CLEC6A: variants seen among roughly 807,000 people sequenced by gnomAD.
The protein encoded by CLEC6A is C-type lectin domain family 6 member A.
In CLEC6A, 22 loss-of-function variants were observed where a neutral mutation model predicts 25.7. The ratio of observed to expected loss-of-function variants is 0.85; its 90% CI spans 0.61 to 1.22. The LOEUF is 1.22. CLEC6A is among the 50% of genes most tolerant of loss of function. CLEC6A has a pLI of 0.00. For missense variants in CLEC6A, 240 were observed against 236.8 expected (o/e 1.01, Z -0.09); for synonymous variants, 92 against 76.7 (o/e 1.20, Z -1.04).
rs1939745261 is a variant in CLEC6A, at chr12:8,460,878, CG to C, written c.223+1182del. On this transcript the variant is annotated intron_variant, in intron 3 of 5. Transcript: ENST00000382073. ...CAACTTACCGCAAGCCTGTCTATCA[CG>C]GTGTTAACCAGCCAAAGTTTGCTCC... The C allele has an allele frequency of 5.7e-6, 5 of 880,520 alleles. No individual in the cohort carries two copies. The East Asian group carries it at 7.2e-5, about 13-fold the overall frequency. The allele number at this position is 880,520 out of a possible 1,614,324, so 54.5% of individuals were successfully genotyped here. A position where few individuals can be genotyped will look rare whatever the true frequency, so the allele number is the denominator to read the frequency against.
rs762340299 is a variant in CLEC6A at position 8,477,302 on chromosome 12, C to T, written c.486-18C>T. ...TGCATTCTTTGAAGATGTGTACTAC[C>T]TTTTTGTTTTCCTTTAGATTTTGGC... On this transcript the variant is annotated intron_variant, in intron 5 of 5. Coordinates refer to ENST00000382073, the MANE Select transcript of CLEC6A (RefSeq NM_001007033.2). 3.3e-4 allele frequency: 535 copies of T among 1,598,486 alleles called. 7 individuals carry two copies. In the South Asian group the frequency reaches 5.6e-3, roughly 17 times the overall value.
intron 1 of CLEC6A, among the ~76,000 whole-genome samples, 162 bp downstream of exon 1, chr12:8,456,304 C>T (rs1939674242): frequency 6.6e-6 from 1 of 152,054 alleles, no homozygotes; most frequent in Non-Finnish European, 1.5e-5. Flanking sequence ...AGAGCCAGAG[C>T]CATAAGCACT....
intron 4 of CLEC6A, among the ~76,000 whole-genome samples, chr12:8,473,885 G>C (rs976638083): frequency 6.6e-6 from 1 of 152,050 alleles, no homozygotes; most frequent in Non-Finnish European, 1.5e-5. Context: ...TTTGAGAAGT[G>C]TCTGTTTATG....
At chr12:8,475,795 T>C (rs1304305364) in intron 4 of CLEC6A, among the ~76,000 whole-genome samples, 1 of 151,980 alleles carries the variant, frequency 6.6e-6, no homozygotes, top group Non-Finnish European at 1.5e-5. Flanking sequence ...GATTGATGCA[T>C]AGAATTAGCC....
chr12:8,463,434 T>C (rs1190549413), intron 3 of CLEC6A, among the ~76,000 whole-genome samples: 1 of 152,244 alleles, frequency 6.6e-6, no homozygotes, highest in African/African-American at 2.4e-5. Flanking sequence ...TCATCTCCTA[T>C]TTTCCAATTT....
intron 3 of CLEC6A, chr12:8,461,133 T>A (rs1939748500): frequency 6.3e-7 from 1 of 1,584,254 alleles, no homozygotes; most frequent in Admixed American, 1.7e-5. Context: ...GAAAGAGCCG[T>A]GGCCTTGGAA....
At position 8,478,118 on chromosome 12, in the gene CLEC6A, G is replaced by C. The variant is rs902166872; in HGVS notation, c.*654G>C. The C allele has an allele frequency of 6.6e-6, 1 of 151,818 alleles. No homozygotes were observed. The highest frequency in any genetic ancestry group is 2.4e-5 in the African/African-American group (1 of 41,356). 9.4% of individuals were successfully genotyped at this position (151,818 alleles called of 1,614,324 possible). A position where few individuals can be genotyped will look rare whatever the true frequency, so the allele number is the denominator to read the frequency against. On this transcript the variant is annotated 3_prime_UTR_variant, in exon 6 of 6. Transcript: ENST00000382073. ...TGAGAAATATGTGTTAAGATCTCTC[G>C]CTGATTGGGAATTTGTCTATTTCTC...
At chr12:8,465,695 A>G in intron 4 of CLEC6A, 66 bp downstream of exon 4, 1 of 1,436,978 alleles carries the variant, frequency 7.0e-7, no homozygotes, top group South Asian at 1.2e-5. Context: ...TTACTGTCAT[A>G]ACCATTTTTC....
chr12:8,473,593 G>C (rs1016359626), intron 4 of CLEC6A, among the ~76,000 whole-genome samples: 1 of 152,090 alleles, frequency 6.6e-6, no homozygotes, highest in Non-Finnish European at 1.5e-5. Context: ...TATATACCTA[G>C]TAATGGGATT....
intron 4 of CLEC6A, among the ~76,000 whole-genome samples, chr12:8,466,948 G>A (rs1269503456): frequency 6.6e-6 from 1 of 152,116 alleles, no homozygotes; most frequent in East Asian, 1.9e-4. Flanking sequence ...CACCTCACCC[G>A]ACTGGCAACT....
rs940507957 is a variant in CLEC6A at position 8,464,818 on chromosome 12, T to C, written c.224-666T>C. On this transcript the variant is annotated intron_variant, in intron 3 of 5. Coordinates refer to ENST00000382073, the MANE Select transcript of CLEC6A (RefSeq NM_001007033.2). ...GGTACTTGTAAGGGAAGAGAACTGC[T>C]AATTGTTTAAGATGCTTAAAGCATT... 1.2e-4 allele frequency among the ~76,000 whole-genome samples: 19 copies of C among 152,350 alleles called. No homozygotes were observed. In the East Asian group the frequency reaches 3.5e-3, roughly 28 times the overall value.
chr12:8,466,101 G>A (rs1030074092), intron 4 of CLEC6A, among the ~76,000 whole-genome samples: 5 of 152,124 alleles, frequency 3.3e-5, no homozygotes, highest in African/African-American at 9.7e-5. Flanking sequence ...ATTGAAGTGT[G>A]ACTGACCACC....
chr12:8,468,711 G>A (rs1257110552), intron 4 of CLEC6A, among the ~76,000 whole-genome samples: 2 of 152,100 alleles, frequency 1.3e-5, no homozygotes, highest in Non-Finnish European at 2.9e-5. Flanking sequence ...GATAGACCCA[G>A]AAAAACCATT....
At chr12:8,458,039 C>A in intron 2 of CLEC6A, 52 bp downstream of exon 2, 1 of 1,277,142 alleles carries the variant, frequency 7.8e-7, no homozygotes, top group Non-Finnish European at 1.1e-6. Context: ...CTTGAATATT[C>A]CATACAGGTT....
intron 3 of CLEC6A, among the ~76,000 whole-genome samples, chr12:8,464,714 T>C (rs753705082): frequency 6.6e-6 from 1 of 152,312 alleles, no homozygotes; most frequent in African/African-American, 2.4e-5. Context: ...TTAATCAAAA[T>C]CATATTGATA....
intron 3 of CLEC6A, chr12:8,460,572 A>G: frequency 1.1e-6 from 1 of 932,792 alleles, no homozygotes; most frequent in South Asian, 1.4e-5. Flanking sequence ...TTCATGGAAA[A>G]GGGGAAGAGC....
intron 4 of CLEC6A, among the ~76,000 whole-genome samples, chr12:8,473,548 AC>A (rs1806179056): frequency 6.6e-6 from 1 of 152,098 alleles, no homozygotes; most frequent in Admixed American, 6.6e-5. Flanking sequence ...ATGAGTACAT[AC>A]TTTTTTTGGT....
At chr12:8,475,986 G>C (rs879544085) in intron 4 of CLEC6A, 139 bp from the exon 5 acceptor site, 2 of 542,632 alleles carry the variant, frequency 3.7e-6, no homozygotes, top group Non-Finnish European at 6.5e-6. Flanking sequence ...CTGTACTCCT[G>C]GTCAGAAGGC....
intron 2 of CLEC6A, among the ~76,000 whole-genome samples, chr12:8,459,174 A>AT (rs1939717849): frequency 6.6e-6 from 1 of 152,130 alleles, no homozygotes; most frequent in East Asian, 1.9e-4. Context: ...GGTGTTTGTG[A>AT]TTAAAAAAAA....
Sources: gnomAD v4.1 joint callset for allele counts (sites outside exome capture counted in the v4.1 genomes callset) on GRCh38, gnomAD v4.1.1 for gene constraint, MANE v1.5 for transcripts, NCBI Gene and HGNC (gene_info 2026-07-23, HGNC 2026-07-21) for gene names.